DMXL2: variants seen among roughly 807,000 people sequenced by gnomAD.
DMXL2 encodes dmX-like protein 2.
DMXL2 carries 103 observed loss-of-function variants against 331.1 expected under a neutral mutation model. That is an observed-to-expected ratio of 0.31 (90% CI 0.27 to 0.37). The LOEUF is 0.37. DMXL2 is among the 10% of genes least tolerant of loss of function. The pLI is 1.00. For synonymous variants in DMXL2, 1,281 were observed against 1,252.1 expected (o/e 1.02, Z -0.49); for missense variants, 3,171 against 3,642.9 (o/e 0.87, Z 3.33).
At position 51,538,311 on chromosome 15, in the gene DMXL2, T is replaced by C; in HGVS notation, c.1247A>G (p.Asp416Gly). Residue 416 changes from aspartate to glycine, a missense_variant, in exon 10 of 44, where the codon GAT (aspartate) becomes GGT (glycine). By Grantham distance (94) the Asp-to-Gly change is moderately conservative. Coordinates refer to ENST00000560891, the MANE Select transcript of DMXL2 (RefSeq NM_001378457.1). ...VFMHQLRKLS[D>G]KQVDHENDDA... is the part of the protein sequence containing the mutation. ...ATCATTTTCATGATCTACCTGCTTA[T>C]CAGAAAGTTTTCGTAATTGATGCAT... 6.2e-7 allele frequency: 1 copy of C among 1,613,940 alleles called. No homozygotes were observed. The highest frequency in any genetic ancestry group is 8.5e-7 in the Non-Finnish European group (1 of 1,179,868).
chr15:51,616,530 T>A (rs1161369062), intron 1 of DMXL2, among the ~76,000 whole-genome samples: 1 of 152,222 alleles, frequency 6.6e-6, no homozygotes, highest in Non-Finnish European at 1.5e-5. Flanking sequence ...AGTTACATCA[T>A]GGATCAGGGT....
intron 1 of DMXL2, among the ~76,000 whole-genome samples, chr15:51,613,057 T>G (rs2141414335): frequency 6.6e-6 from 1 of 152,364 alleles, no homozygotes; most frequent in Middle Eastern, 3.4e-3. Flanking sequence ...TTTAAGGTTA[T>G]CTCCCTTGTT....
chr15:51,511,549 G>A (rs532843915), intron 15 of DMXL2, among the ~76,000 whole-genome samples: 31 of 152,308 alleles, frequency 2.0e-4, no homozygotes, highest in African/African-American at 7.5e-4. Context: ...AACAGATGCT[G>A]GAGAGGATGT....
At chr15:51,597,124 C>G (rs1874129046) in intron 1 of DMXL2, among the ~76,000 whole-genome samples, 1 of 152,004 alleles carries the variant, frequency 6.6e-6, no homozygotes, top group East Asian at 1.9e-4. Context: ...CTCATAAAAC[C>G]TCACAAAACC....
At position 51,602,822 on chromosome 15, in the gene DMXL2, C is replaced by G. The variant is rs74756868; in HGVS notation, c.87+19637G>C. On this transcript the variant is annotated intron_variant, in intron 1 of 43. Transcript: ENST00000560891. ...CAGCCAGCTCTAATTCCTGCTAAAA[C>G]AAAAATATCAACATTCTCCATAGGA... 3.6e-3 allele frequency among the ~76,000 whole-genome samples: 542 copies of G among 152,276 alleles called. 8 individuals carry two copies. Among genetic ancestry groups the G allele is most frequent in the African/African-American group, 0.013 (522 of 41,548 alleles).
chr15:51,464,659 A>G lies in DMXL2; in HGVS notation c.7808+16T>C, dbSNP rs371741056. On this transcript the variant is annotated intron_variant, in intron 32 of 43. Coordinates refer to ENST00000560891, the MANE Select transcript of DMXL2 (RefSeq NM_001378457.1). ...TTAAGCTACGCTCTTTATCAGCATT[A>G]TAAGAGCTTTCTTACTTGAATGGGG... 5.0e-5 allele frequency: 80 copies of G among 1,606,842 alleles called. No homozygotes were observed. The African/African-American group carries it at 8.4e-4, about 17-fold the overall frequency.
At position 51,537,592 on chromosome 15, in the gene DMXL2, T is replaced by C; in HGVS notation, c.1513A>G (p.Asn505Asp). Residue 505 changes from asparagine to aspartate, a missense_variant, in exon 11 of 44, where the codon AAT (asparagine) becomes GAT (aspartate). This residue lies in a region of DMXL2 where 1,674 missense variants were observed against 1,780.2 expected (regional missense o/e 0.94). Coordinates refer to ENST00000560891, the MANE Select transcript of DMXL2 (RefSeq NM_001378457.1). ...TGTATTGTAAAAAGCATATCAGGAT[T>C]CTTATTCCATTCAGTTAGCAGCGTT... ...IETLLTEWNK[N>D]PDMLFTIHPV... 1 of 1,613,884 alleles carries C rather than the reference T, an allele frequency of 6.2e-7. No homozygotes were observed. The highest frequency in any genetic ancestry group is 2.2e-5 in the East Asian group (1 of 44,850).
chr15:51,474,298 A>G (rs754626985), intron 28 of DMXL2, 46 bp downstream of exon 28: 46 of 1,520,270 alleles, frequency 3.0e-5, no homozygotes, highest in Non-Finnish European at 3.9e-5. Flanking sequence ...TTAACATTCA[A>G]AATGATTAAC....
At chr15:51,467,729 C>CTTTT (rs71873179) in intron 29 of DMXL2, among the ~76,000 whole-genome samples, 1 of 143,100 alleles carries the variant, frequency 7.0e-6, no homozygotes, top group African/African-American at 2.6e-5. Context: ...CCTAGTACTT[C>CTTTT]TTTTTTTTTT....
chr15:51,537,796 A>C, intron 10 of DMXL2, 37 bp from the exon 11 acceptor site: 1 of 1,580,178 alleles, frequency 6.3e-7, no homozygotes, highest in Non-Finnish European at 8.6e-7. Context: ...ACAAGCATTA[A>C]ATAATTCATT....
At chr15:51,511,868 G>C (rs1212949492) in intron 15 of DMXL2, among the ~76,000 whole-genome samples, 5 of 152,086 alleles carry the variant, frequency 3.3e-5, no homozygotes, top group African/African-American at 1.2e-4. Flanking sequence ...CCATAAAAAA[G>C]GATGAGTTCA....
At chr15:51,485,333 T>A (rs983490418) in intron 23 of DMXL2, among the ~76,000 whole-genome samples, 1 of 152,166 alleles carries the variant, frequency 6.6e-6, no homozygotes, top group Admixed American at 6.5e-5. Flanking sequence ...GACAAGGATC[T>A]CCTCATTTTT....
intron 23 of DMXL2, among the ~76,000 whole-genome samples, chr15:51,485,265 T>C (rs964926287): frequency 6.6e-6 from 1 of 152,156 alleles, no homozygotes; most frequent in East Asian, 1.9e-4. Flanking sequence ...TACTCCCAAA[T>C]AGATTCAACC....
intron 17 of DMXL2, among the ~76,000 whole-genome samples, chr15:51,501,919 C>CAA (rs751293392): frequency 1.0e-4 from 9 of 86,784 alleles, no homozygotes; most frequent in East Asian, 3.4e-4. Context: ...AACTCCATCT[C>CAA]AAAAAAAAAA....
In DMXL2 at chr15:51,517,130, T is replaced by G. The variant is rs771843111; in HGVS notation, c.2474A>C (p.Gln825Pro). The G allele has an allele frequency of 6.2e-7, 1 of 1,613,986 alleles. No individual in the cohort carries two copies. The highest frequency in any genetic ancestry group is 8.5e-7 in the Non-Finnish European group (1 of 1,179,956). The change falls in exon 14 of 44, where the codon CAG becomes CCG. Residue 825 changes from glutamine (Q) to proline (P), a missense_variant. This residue lies in a region of DMXL2 where 1,674 missense variants were observed against 1,780.2 expected (regional missense o/e 0.94). Transcript: ENST00000560891. ...IGEVFNIVSQ[Q>P]STARPGCIIE... Reference sequence around the variant, plus strand: ...AATGCAGCCAGGTCGAGCAGTAGACTGTTGGCTCACAATATTAAACACTTC... The same window carrying G: ...AATGCAGCCAGGTCGAGCAGTAGACGGTTGGCTCACAATATTAAACACTTC...
chr15:51,511,780 G>C (rs1022946126), intron 15 of DMXL2, among the ~76,000 whole-genome samples: 4 of 152,054 alleles, frequency 2.6e-5, no homozygotes, highest in Non-Finnish European at 5.9e-5. Context: ...GCAAAGACTT[G>C]GAACCAACCC....
At chr15:51,565,673 G>C (rs2050222751) in intron 3 of DMXL2, among the ~76,000 whole-genome samples, 1 of 152,112 alleles carries the variant, frequency 6.6e-6, no homozygotes, top group African/African-American at 2.4e-5. Flanking sequence ...TCATAATTTT[G>C]TTATCTTCAG....
intron 24 of DMXL2, 25 bp from the exon 25 acceptor site, chr15:51,480,164 T>G: frequency 1.3e-6 from 2 of 1,486,628 alleles, no homozygotes; most frequent in Admixed American, 4.5e-5. Context: ...GAATTATTTT[T>G]TTCAAAGTAG....
intron 13 of DMXL2, among the ~76,000 whole-genome samples, chr15:51,517,622 A>T (rs2047109608): frequency 6.6e-6 from 1 of 152,208 alleles, no homozygotes; most frequent in Admixed American, 6.5e-5. Flanking sequence ...AAATCCCAAA[A>T]CTTTCTGCTA....
Sources: gnomAD v4.1 joint callset for allele counts (sites outside exome capture counted in the v4.1 genomes callset) on GRCh38, gnomAD v4.1.1 for gene constraint, gnomAD v4.1.1 regional missense constraint, MANE v1.5 for transcripts, NCBI Gene and HGNC (gene_info 2026-07-23, HGNC 2026-07-21) for gene names.